The following DDX60L variants were observed in gnomAD, a reference collection of about 807,000 sequenced individuals.
DDX60L encodes the protein probable ATP-dependent RNA helicase DDX60-like.
A neutral mutation model predicts 211.6 loss-of-function variants in DDX60L; 191 were observed. The ratio of observed to expected loss-of-function variants is 0.90; its 90% CI spans 0.80 to 1.02. The LOEUF is 1.02. Ranked by LOEUF, DDX60L falls within the 50% of genes least tolerant of loss-of-function variation. The pLI is 0.00. For synonymous variants in DDX60L, 706 were observed against 694.1 expected (o/e 1.02, Z -0.27); for missense variants, 2,007 against 1,984.1 (o/e 1.01, Z -0.22).
intron 8 of DDX60L, among the ~76,000 whole-genome samples, chr4:168,449,457 G>T (rs1755332496): frequency 1.0e-5 from 1 of 95,916 alleles, no homozygotes; most frequent in African/African-American, 4.4e-5. Flanking sequence ...ACACTCTGGG[G>T]ACTGTGGTGG....
At chr4:168,386,575 G>GAAA (rs55835081) in intron 29 of DDX60L, among the ~76,000 whole-genome samples, 15 of 142,686 alleles carry the variant, frequency 1.1e-4, no homozygotes, top group South Asian at 4.4e-4. Context: ...ATATGATGTT[G>GAAA]AAAAAAAAAA....
At chr4:168,377,161 C>G (rs770992590) in intron 33 of DDX60L, among the ~76,000 whole-genome samples, 1 of 151,928 alleles carries the variant, frequency 6.6e-6, no homozygotes, top group African/African-American at 2.4e-5. Context: ...AGCGTGGTGG[C>G]GAAGCCTGTA....
intron 13 of DDX60L, among the ~76,000 whole-genome samples, chr4:168,428,266 T>TGGACCCTTAAATAGCTCTAGGAGAG (rs532491276): frequency 8.8e-4 from 134 of 152,290 alleles, no homozygotes; most frequent in African/African-American, 3.2e-3. Context: ...TGTGGCTGGA[T>TGGACCCTTAAATAGCTCTAGGAGAG]GGACCCTTAA....
chr4:168,377,493 T>G (rs116542890), intron 33 of DDX60L, among the ~76,000 whole-genome samples: 106 of 152,266 alleles, frequency 7.0e-4, no homozygotes, highest in Non-Finnish European at 7.6e-4. Context: ...ACTGCATCTA[T>G]TTTTATGGCT....
At chr4:168,372,083 T>C (rs1741133737) in intron 35 of DDX60L, among the ~76,000 whole-genome samples, 1 of 152,142 alleles carries the variant, frequency 6.6e-6, no homozygotes, top group Non-Finnish European at 1.5e-5. Flanking sequence ...GTTAGCAACA[T>C]TCACTAAGGA....
intron 7 of DDX60L, 125 bp from the exon 8 acceptor site, chr4:168,453,407 T>G: frequency 1.0e-6 from 1 of 998,870 alleles, no homozygotes; most frequent in Middle Eastern, 2.3e-4. Context: ...AGTCCCCTTC[T>G]GCATACACAA....
chr4:168,394,531 A>G lies in DDX60L; in HGVS notation c.3744T>C (p.His1248=), dbSNP rs781459764. Residue 1248 remains histidine, a synonymous_variant, in exon 28 of 38, where the codon CAT becomes CAC. Transcript: ENST00000682922. ...TTTCTTTAAAATACATGCTGCTGTGATGATATCCAATCCCCCTTTGTGCTA... is the reference window on the plus strand; with the variant it reads ...TTTCTTTAAAATACATGCTGCTGTGGTGATATCCAATCCCCCTTTGTGCTA... ...KALAQRGIGY[H]HSSMYFKEKE... is the part of the protein sequence containing the mutation. 6.2e-7 allele frequency: 1 copy of G among 1,613,642 alleles called. No homozygotes were observed. The highest frequency in any genetic ancestry group is 1.7e-5 in the Admixed American group (1 of 60,008).
intron 33 of DDX60L, among the ~76,000 whole-genome samples, chr4:168,375,783 A>G (rs938369928): frequency 2.6e-5 from 4 of 152,208 alleles, no homozygotes; most frequent in Non-Finnish European, 1.5e-5. Context: ...CATGTCCTAC[A>G]CTGATCTTAA....
chr4:168,399,925 A>G (rs1746496332), intron 26 of DDX60L, among the ~76,000 whole-genome samples: 1 of 152,136 alleles, frequency 6.6e-6, no homozygotes, highest in Non-Finnish European at 1.5e-5. Flanking sequence ...TTAGGTCATG[A>G]GAGTTTGTTG....
At chr4:168,425,043 C>T (rs1033134087) in intron 14 of DDX60L, among the ~76,000 whole-genome samples, 2 of 152,220 alleles carry the variant, frequency 1.3e-5, no homozygotes, top group African/African-American at 4.8e-5. Flanking sequence ...CAGCCACCAA[C>T]TGCATTCATG....
intron 29 of DDX60L, among the ~76,000 whole-genome samples, chr4:168,386,729 G>A (rs1406144917): frequency 2.6e-5 from 4 of 152,024 alleles, no homozygotes; most frequent in Admixed American, 6.6e-5. Flanking sequence ...GCCTGCCTCT[G>A]GGAATCCTAA....
intron 17 of DDX60L, 113 bp downstream of exon 17, chr4:168,421,645 ACT>A (rs1340756289): frequency 1.5e-6 from 2 of 1,375,270 alleles, no homozygotes; most frequent in Non-Finnish European, 2.0e-6. Context: ...ACAGAGCAAG[ACT>A]CTGTCTCAAA....
intron 34 of DDX60L, among the ~76,000 whole-genome samples, chr4:168,374,064 G>A (rs1370174404): frequency 6.6e-6 from 1 of 151,690 alleles, no homozygotes; most frequent in Non-Finnish European, 1.5e-5. Context: ...TATAACCTCA[G>A]AAACCTCCTA....
At chr4:168,466,889 T>C (rs1445813027) in intron 4 of DDX60L, among the ~76,000 whole-genome samples, 2 of 152,172 alleles carry the variant, frequency 1.3e-5, no homozygotes, top group African/African-American at 4.8e-5. Flanking sequence ...CACAGACAGC[T>C]GCCAATTCAC....
At chr4:168,427,468 T>G in intron 13 of DDX60L, 146 bp from the exon 14 acceptor site, 1 of 926,624 alleles carries the variant, frequency 1.1e-6, no homozygotes, top group East Asian at 2.6e-5. Context: ...TGTCTTTTCT[T>G]AAAATTAAAG....
chr4:168,459,019 AGGTAG>A (rs1756953278), intron 5 of DDX60L, among the ~76,000 whole-genome samples: 6 of 152,164 alleles, frequency 3.9e-5, no homozygotes, highest in Non-Finnish European at 8.8e-5. Flanking sequence ...AACTTAGAGA[AGGTAG>A]TATGGACCCC....
chr4:168,421,527 T>C (rs1750612823), intron 17 of DDX60L, among the ~76,000 whole-genome samples: 1 of 152,066 alleles, frequency 6.6e-6, no homozygotes, highest in Non-Finnish European at 1.5e-5. Flanking sequence ...TGGCAGCACG[T>C]GCCTATAATC....
intron 9 of DDX60L, among the ~76,000 whole-genome samples, chr4:168,445,553 AAAGCC>A (rs1754645640): frequency 6.6e-6 from 1 of 152,184 alleles, no homozygotes. Flanking sequence ...TTCTGATACC[AAAGCC>A]AGGCAGAGAC....
rs537384639 is a variant in DDX60L at position 168,388,174 on chromosome 4, A to C, written c.3916-3362T>G. Among the ~76,000 whole-genome samples, 35 of 152,358 alleles carry C rather than the reference A, an allele frequency of 2.3e-4. No individual in the cohort carries two copies. The South Asian group carries it at 6.8e-3, about 30-fold the overall frequency. Reference sequence around the variant, plus strand: ...CACATAACAAGAACAGTGAAAGAACAAGCGCAATCACATTTCCCCAAAGCT... The same window carrying C: ...CACATAACAAGAACAGTGAAAGAACCAGCGCAATCACATTTCCCCAAAGCT... On this transcript the variant is annotated intron_variant, in intron 29 of 37. Transcript: ENST00000682922.
Sources: gnomAD v4.1 joint callset for allele counts (sites outside exome capture counted in the v4.1 genomes callset) on GRCh38, gnomAD v4.1.1 for gene constraint, MANE v1.5 for transcripts, NCBI Gene and HGNC (gene_info 2026-07-23, HGNC 2026-07-21) for gene names.